Variants in TLE3 observed in about 807,000 individuals in gnomAD.
TLE3 encodes transducin-like enhancer protein 3.
A neutral mutation model predicts 93.0 loss-of-function variants in TLE3; 14 were observed. The ratio of observed to expected loss-of-function variants is 0.15; its 90% CI spans 0.10 to 0.24. TLE3 has a LOEUF of 0.24. Ranked by LOEUF, TLE3 falls within the 10% of genes least tolerant of loss-of-function variation. The probability of loss-of-function intolerance (pLI) is 1.00; values close to 1 mark genes in which losing one functional copy is unlikely to be tolerated. For missense variants in TLE3, 693 were observed against 1,046.6 expected, an observed-to-expected ratio of 0.66 and a Z score of 4.66; for synonymous variants, 451 against 425.0, an observed-to-expected ratio of 1.06 and a Z score of -0.75.
At chr15:70,077,134 T>C (rs1159329424) in intron 4 of TLE3, among the ~76,000 whole-genome samples, 1 of 152,254 alleles carries the variant, frequency 6.6e-6, no homozygotes, top group Non-Finnish European at 1.5e-5. Context: ...ATCAATTCTC[T>C]GCCTCATCTC....
In TLE3 at chr15:70,051,101, T is replaced by C. The variant is rs140931268; in HGVS notation, c.2202+290A>G. 5.0e-4 allele frequency: 131 copies of C among 260,640 alleles called. 1 individual carries two copies. Among genetic ancestry groups the C allele is most frequent in the African/African-American group, 2.8e-3 (124 of 44,538 alleles). The allele number at this position is 260,640 out of a possible 1,614,324, so 16.1% of individuals were successfully genotyped here. Reference sequence around the variant, plus strand: ...GCATCCAGCCCAGAGCAAAAACACTTATGCTATTCCTCACTCTCCAAATCC... The same window carrying C: ...GCATCCAGCCCAGAGCAAAAACACTCATGCTATTCCTCACTCTCCAAATCC... On this transcript the variant is annotated intron_variant, in intron 19 of 19. Transcript: ENST00000451782.
rs372783426 is a variant in TLE3, at chr15:70,054,485, G to A, written c.1779C>T (p.Ser593=). ...PDAKVCFSCC[S]DGNIAVWDLH... ...GGTCCCAGACAGCAATGTTCCCATC[G>A]CTGCAGCAGGAGAAGCAGACTTTGG... Residue 593 remains serine (S), a synonymous_variant, in exon 16 of 20, where the codon AGC becomes AGT. Transcript: ENST00000451782. 6.2e-6 allele frequency: 10 copies of A among 1,613,866 alleles called. No individual in the cohort carries two copies. Among genetic ancestry groups the A allele is most frequent in the African/African-American group, 1.3e-5 (1 of 74,902 alleles).
intron 16 of TLE3, 145 bp from the exon 17 acceptor site, chr15:70,053,519 C>G: frequency 1.1e-6 from 1 of 935,366 alleles, no homozygotes; most frequent in Non-Finnish European, 1.5e-6. Context: ...GAGCTTGCAG[C>G]AAAGCTAGCC....
rs1343373713 is a variant in TLE3, at chr15:70,058,842, C to T, written c.766-27G>A. ...TGAAAACACAAGTGATGCAGAGATGCACTGAAAGCAACAGCCAGCCTCGAG... is the reference window on the plus strand; with the variant it reads ...TGAAAACACAAGTGATGCAGAGATGTACTGAAAGCAACAGCCAGCCTCGAG... On this transcript the variant is annotated intron_variant, in intron 10 of 19. Coordinates refer to ENST00000451782, the MANE Select transcript of TLE3 (RefSeq NM_001105192.3). This position sits in a 1 kb window ranked among gnomAD's most constrained non-coding sequence, Gnocchi z 4.1. The T allele has an allele frequency of 6.5e-7, 1 of 1,527,912 alleles. No homozygotes were observed. The highest frequency in any genetic ancestry group is 8.8e-7 in the Non-Finnish European group (1 of 1,139,242). The allele number at this position is 1,527,912 out of a possible 1,614,324, so 94.6% of individuals were successfully genotyped here.
intron 6 of TLE3, among the ~76,000 whole-genome samples, chr15:70,071,999 T>C (rs1211682834): frequency 6.6e-6 from 1 of 152,222 alleles, no homozygotes; most frequent in Non-Finnish European, 1.5e-5. Flanking sequence ...GGCTCCCCAG[T>C]GCGAGCACGA....
At chr15:70,065,992 C>CCA in intron 7 of TLE3, 22 bp downstream of exon 7, 1 of 1,593,770 alleles carries the variant, frequency 6.3e-7, no homozygotes, top group Non-Finnish European at 8.6e-7. Context: ...CCGCCCCACC[C>CCA]TCTGCCCCAG....
In TLE3 at chr15:70,058,446, G is replaced by C. The variant is rs2056234376; in HGVS notation, c.919-155C>G. The C allele has an allele frequency of 7.3e-7, 1 of 1,366,314 alleles. No homozygotes were observed. 84.6% of individuals were successfully genotyped at this position (1,366,314 alleles called of 1,614,324 possible). On this transcript the variant is annotated intron_variant, in intron 11 of 19. Transcript: ENST00000451782. This position sits in a 1 kb window ranked among gnomAD's most constrained non-coding sequence, Gnocchi z 4.1. ...CTCAATCCTTGCCCAACCTTGTTTG[G>C]CAGGGACTGGGGTGATCACTCCCAT...
intron 8 of TLE3, among the ~76,000 whole-genome samples, chr15:70,062,791 T>G (rs1279358892): frequency 6.6e-6 from 1 of 152,116 alleles, no homozygotes; most frequent in Non-Finnish European, 1.5e-5. Flanking sequence ...CCACGCCACA[T>G]GCCATGCGCA....
At chr15:70,092,105 C>T (rs1012229266) in intron 4 of TLE3, among the ~76,000 whole-genome samples, 7 of 152,098 alleles carry the variant, frequency 4.6e-5, no homozygotes, top group African/African-American at 1.2e-4. Context: ...TTGTGTGTGC[C>T]GATAAAACAC....
intron 3 of TLE3, chr15:70,095,354 A>C: frequency 7.0e-7 from 1 of 1,429,728 alleles, no homozygotes. Context: ...CCGGCCTGGA[A>C]TCGGGGTTTC....
chr15:70,055,749 C>A (rs1346210932), intron 14 of TLE3: 4 of 194,534 alleles, frequency 2.1e-5, no homozygotes, highest in Non-Finnish European at 4.3e-5. Context: ...CTGTTTCAGG[C>A]TCTGGTGGGT....
At chr15:70,096,664 C>T in intron 1 of TLE3, 111 bp downstream of exon 1, 1 of 1,556,116 alleles carries the variant, frequency 6.4e-7, no homozygotes, top group Non-Finnish European at 8.7e-7. Context: ...AGCACACACA[C>T]AAACACACAC....
At chr15:70,068,173 TAA>T (rs2056935278) in intron 6 of TLE3, among the ~76,000 whole-genome samples, 1 of 152,238 alleles carries the variant, frequency 6.6e-6, no homozygotes, top group African/African-American at 2.4e-5. Context: ...AAGTAGACAT[TAA>T]AAAGTTTTTA....
chr15:70,081,759 T>C (rs1439392655), intron 4 of TLE3, among the ~76,000 whole-genome samples: 1 of 152,194 alleles, frequency 6.6e-6, no homozygotes, highest in African/African-American at 2.4e-5. Flanking sequence ...GTACTGTGAG[T>C]CTGAGACCAG....
chr15:70,055,409 C>T (rs1369196279), intron 14 of TLE3, 111 bp from the exon 15 acceptor site: 2 of 1,458,834 alleles, frequency 1.4e-6, no homozygotes, highest in African/African-American at 1.4e-5. Context: ...CTGCCTCTAG[C>T]CCCCTCTGCT....
chr15:70,062,453 T>G (rs565578714), intron 8 of TLE3, among the ~76,000 whole-genome samples: 1 of 152,178 alleles, frequency 6.6e-6, no homozygotes, highest in Non-Finnish European at 1.5e-5. Flanking sequence ...AACAGCGAGC[T>G]CTTTCTTCTC....
At chr15:70,082,892 G>A (rs1222267978) in intron 4 of TLE3, among the ~76,000 whole-genome samples, 1 of 152,142 alleles carries the variant, frequency 6.6e-6, no homozygotes, top group Non-Finnish European at 1.5e-5. Context: ...GCTGGGGTTG[G>A]GACGACCCTT....
At position 70,048,447 on chromosome 15, in the gene TLE3, G is replaced by C. The variant is rs1272121669; in HGVS notation, c.*1650C>G. ...CCCATGCCCGGTGCGCTCAGCTGGG[G>C]AGCAACCTCACTGAAGGTGGGTGGC... On this transcript the variant is annotated 3_prime_UTR_variant, in exon 20 of 20. Coordinates refer to ENST00000451782, the MANE Select transcript of TLE3 (RefSeq NM_001105192.3). 1 of 152,094 alleles carries C rather than the reference G, an allele frequency of 6.6e-6. No homozygotes were observed. The highest frequency in any genetic ancestry group is 1.5e-5 in the Non-Finnish European group (1 of 68,030). The allele number at this position is 152,094 out of a possible 1,614,324, so 9.4% of individuals were successfully genotyped here. A position where few individuals can be genotyped will look rare whatever the true frequency, so the allele number is the denominator to read the frequency against.
At chr15:70,088,810 G>T (rs1245238670) in intron 4 of TLE3, among the ~76,000 whole-genome samples, 2 of 152,226 alleles carry the variant, frequency 1.3e-5, no homozygotes, top group African/African-American at 4.8e-5. Flanking sequence ...GGGGAATAAA[G>T]TTCAAAGCAG....
Sources: gnomAD v4.1 joint callset for allele counts (sites outside exome capture counted in the v4.1 genomes callset) on GRCh38, gnomAD v4.1.1 for gene constraint, Gnocchi (gnomAD v3.1) non-coding constraint, MANE v1.5 for transcripts, NCBI Gene and HGNC (gene_info 2026-07-23, HGNC 2026-07-21) for gene names.